TUBA8: variants seen among roughly 807,000 people sequenced by gnomAD.
The protein encoded by TUBA8 is tubulin alpha-8 chain.
TUBA8 carries 29 observed loss-of-function variants against 34.7 expected under a neutral mutation model. The ratio of observed to expected loss-of-function variants is 0.84; its 90% confidence interval spans 0.62 to 1.14. TUBA8 has a LOEUF of 1.14. Ranked by LOEUF, TUBA8 falls within the 50% of genes most tolerant of loss-of-function variation. The pLI, the probability that TUBA8 is intolerant of heterozygous loss-of-function variation, is 0.00. For synonymous variants in TUBA8, 226 were observed against 231.2 expected (o/e 0.98, Z 0.21); for missense variants, 541 against 599.2 (o/e 0.90, Z 1.01).
Position 18,126,261 on chromosome 22 carries a change from G to A in TUBA8, c.376-93G>A. The stretch of plus-strand genomic sequence containing the variant: ...TTTGATTTCATCCACAAAAAAATAT[G>A]AGGCAGACAGAGTGGGCGGTCTGGC... On this transcript the variant is annotated intron_variant, in intron 3 of 4. Coordinates refer to ENST00000330423, the MANE Select transcript of TUBA8 (RefSeq NM_018943.3). This position sits in a 1 kb window ranked among gnomAD's most constrained non-coding sequence, Gnocchi z 4.0. 8.5e-7 allele frequency: 1 copy of A among 1,174,238 alleles called. No individual in the cohort carries two copies. 72.7% of individuals were successfully genotyped at this position (1,174,238 alleles called of 1,614,324 possible).
intron 4 of TUBA8, chr22:18,127,480 A>G (rs361992): frequency 0.43 from 67,831 of 156,522 alleles, 19,615 homozygotes; most frequent in African/African-American, 0.82. Context: ...TGCAAGCTCC[A>G]CCTCTCAGGT....
In TUBA8 at chr22:18,124,202, G is replaced by A. The variant is rs1226706572; in HGVS notation, c.273G>A (p.Gln91=). The change falls in exon 3 of 5, where the codon CAG becomes CAA. Residue 91 remains glutamine, a synonymous_variant. Transcript: ENST00000330423. This position sits in a 1 kb window ranked among gnomAD's most constrained non-coding sequence, Gnocchi z 4.3. ...GTYRQLFHPE[Q]LITGKEDAAN... ...ACCGCCAGCTCTTCCATCCAGAGCA[G>A]CTGATCACAGGAAAGGAGGATGCAG... 6.2e-7 allele frequency: 1 copy of A among 1,614,244 alleles called. No homozygotes were observed. Among genetic ancestry groups the A allele is most frequent in the South Asian group, 1.1e-5 (1 of 91,082 alleles).
rs2123705206 is a variant in TUBA8 at position 18,126,342 on chromosome 22, T to C, written c.376-12T>C. 1.2e-6 allele frequency: 2 copies of C among 1,614,060 alleles called. No individual in the cohort carries two copies. Among genetic ancestry groups the C allele is most frequent in the Non-Finnish European group, 1.7e-6 (2 of 1,179,926 alleles). On this transcript the variant is annotated splice_polypyrimidine_tract_variant and intron_variant, in intron 3 of 4. Coordinates refer to ENST00000330423, the MANE Select transcript of TUBA8 (RefSeq NM_018943.3). The surrounding 1 kb of genome is among the most constrained non-coding windows in gnomAD (Gnocchi z 4.0). The stretch of plus-strand genomic sequence containing the variant: ...GTCTTCATGATTTCTTCTCATGTCC[T>C]GCTCTCCCTAGACAGATGCTTGCTC...
Position 18,130,999 on chromosome 22 carries a change from G to T in TUBA8, c.1213G>T (p.Val405Leu). The change falls in exon 5 of 5, where the codon GTG becomes TTG. Residue 405 changes from valine to leucine, a missense_variant. Coordinates refer to ENST00000330423, the MANE Select transcript of TUBA8 (RefSeq NM_018943.3). ...FDLMYAKRAF[V>L]HWYVGEGMEE... ...CCTCATGTACGCCAAGCGGGCCTTT[G>T]TGCATTGGTATGTGGGAGAGGGGAT... 3 of 1,614,186 alleles carry T rather than the reference G, an allele frequency of 1.9e-6. No homozygotes were observed. The highest frequency in any genetic ancestry group is 2.5e-6 in the Non-Finnish European group (3 of 1,180,032).
chr22:18,122,263 A>C, intron 2 of TUBA8: 1 of 154,474 alleles, frequency 6.5e-6, no homozygotes, highest in South Asian at 2.0e-4. Context: ...CCTGTTTCTG[A>C]CCCCTGGGTC....
Position 18,124,079 on chromosome 22 carries a change from G to A in TUBA8, c.227-77G>A. On this transcript the variant is annotated intron_variant, in intron 2 of 4. Coordinates refer to ENST00000330423, the MANE Select transcript of TUBA8 (RefSeq NM_018943.3). This position sits in a 1 kb window ranked among gnomAD's most constrained non-coding sequence, Gnocchi z 4.3. Reference sequence around the variant, plus strand: ...TTTTATAGGTAGGGGAGAACGGAAGGGGTCCTGCGGTAGTGTGGTAGGGAG... The same window carrying A: ...TTTTATAGGTAGGGGAGAACGGAAGAGGTCCTGCGGTAGTGTGGTAGGGAG... 1 of 1,578,500 alleles carries A rather than the reference G, an allele frequency of 6.3e-7. No individual in the cohort carries two copies. The highest frequency in any genetic ancestry group is 8.7e-7 in the Non-Finnish European group (1 of 1,150,028).
Position 18,131,264 on chromosome 22 carries a change from C to A in TUBA8, c.*128C>A. 1 of 1,033,882 alleles carries A rather than the reference C, an allele frequency of 9.7e-7. No homozygotes were observed. The highest frequency in any genetic ancestry group is 1.4e-6 in the Non-Finnish European group (1 of 690,696). 64.0% of individuals were successfully genotyped at this position (1,033,882 alleles called of 1,614,324 possible). Reference sequence around the variant, plus strand: ...CCTTACCCAGGAGGAGGGTGCCTGGCCCCAGTACCCAGGGTGGCACGACTG... The same window carrying A: ...CCTTACCCAGGAGGAGGGTGCCTGGACCCAGTACCCAGGGTGGCACGACTG... On this transcript the variant is annotated 3_prime_UTR_variant, in exon 5 of 5. Transcript: ENST00000330423. This position sits in a 1 kb window ranked among gnomAD's most constrained non-coding sequence, Gnocchi z 5.3.
chr22:18,130,501 C>A (rs74999830), intron 4 of TUBA8: 4,242 of 372,670 alleles, frequency 0.011, 163 homozygotes, highest in African/African-American at 0.081. Context: ...TAGCTCACTG[C>A]AGCCTTGACC....
At position 18,126,015 on chromosome 22, in the gene TUBA8, C is replaced by A; in HGVS notation, c.376-339C>A. On this transcript the variant is annotated intron_variant, in intron 3 of 4. Transcript: ENST00000330423. This position sits in a 1 kb window ranked among gnomAD's most constrained non-coding sequence, Gnocchi z 4.0. The stretch of plus-strand genomic sequence containing the variant: ...TAACTGGGACTACAGGTGTGCATCA[C>A]CACGCCCAGTTAACTTTTAAAATTT... 7 of 345,720 alleles carry A rather than the reference C, an allele frequency of 2.0e-5. 1 individual carries two copies. The highest frequency in any genetic ancestry group is 1.8e-4 in the South Asian group (7 of 39,510). The allele number at this position is 345,720 out of a possible 1,614,324, so 21.4% of individuals were successfully genotyped here. A position where few individuals can be genotyped will look rare whatever the true frequency, so the allele number is the denominator to read the frequency against.
chr22:18,119,569 A>C lies in TUBA8; in HGVS notation c.4-1910A>C, dbSNP rs949322087. ...AGCTCTGTGGGTGAATCCCCTCCCTAGCCACCAGGCTCACGGAGATCCAGC... is the reference window on the plus strand; with the variant it reads ...AGCTCTGTGGGTGAATCCCCTCCCTCGCCACCAGGCTCACGGAGATCCAGC... On this transcript the variant is annotated intron_variant, in intron 1 of 4. Coordinates refer to ENST00000330423, the MANE Select transcript of TUBA8 (RefSeq NM_018943.3). The surrounding 1 kb of genome is among the most constrained non-coding windows in gnomAD (Gnocchi z 5.9). 6.6e-6 allele frequency: 1 copy of C among 152,240 alleles called. No individual in the cohort carries two copies. The highest frequency in any genetic ancestry group is 1.5e-5 in the Non-Finnish European group (1 of 68,110). 9.4% of individuals were successfully genotyped at this position (152,240 alleles called of 1,614,324 possible). A position where few individuals can be genotyped will look rare whatever the true frequency, so the allele number is the denominator to read the frequency against.
Position 18,119,575 on chromosome 22 carries a change from C to G in TUBA8, c.4-1904C>G, listed in dbSNP as rs1928082563. 6.6e-6 allele frequency: 1 copy of G among 152,298 alleles called. No homozygotes were observed. The highest frequency in any genetic ancestry group is 2.1e-4 in the South Asian group (1 of 4,830). 9.4% of individuals were successfully genotyped at this position (152,298 alleles called of 1,614,324 possible). ...GTGGGTGAATCCCCTCCCTAGCCAC[C>G]AGGCTCACGGAGATCCAGCGGGTTG... On this transcript the variant is annotated intron_variant, in intron 1 of 4. Coordinates refer to ENST00000330423, the MANE Select transcript of TUBA8 (RefSeq NM_018943.3). The surrounding 1 kb of genome is among the most constrained non-coding windows in gnomAD (Gnocchi z 5.9).
At chr22:18,117,718 T>G (rs1569198101) in intron 1 of TUBA8, 1 of 137,334 alleles carries the variant, frequency 7.3e-6, no homozygotes, top group Non-Finnish European at 1.5e-5. Context: ...GAGCTTGCAG[T>G]GAGCCGAGAT....
In TUBA8 at chr22:18,121,831, C is replaced by T. The variant is rs1411503019; in HGVS notation, c.226+130C>T. On this transcript the variant is annotated intron_variant, in intron 2 of 4. Coordinates refer to ENST00000330423, the MANE Select transcript of TUBA8 (RefSeq NM_018943.3). The surrounding 1 kb of genome is among the most constrained non-coding windows in gnomAD (Gnocchi z 4.8). Reference sequence around the variant, plus strand: ...GGTGCAACCGCAGCCTCCCACCCCACGTGACATCTGTCAGCTCCTTGGGGT... The same window carrying T: ...GGTGCAACCGCAGCCTCCCACCCCATGTGACATCTGTCAGCTCCTTGGGGT... 31 of 831,914 alleles carry T rather than the reference C, an allele frequency of 3.7e-5. No homozygotes were observed. The highest frequency in any genetic ancestry group is 4.9e-5 in the South Asian group (3 of 61,822). 51.5% of individuals were successfully genotyped at this position (831,914 alleles called of 1,614,324 possible).
At chr22:18,117,954 C>T (rs144102004) in intron 1 of TUBA8, 1 of 152,194 alleles carries the variant, frequency 6.6e-6, no homozygotes, top group Non-Finnish European at 1.5e-5. Flanking sequence ...CTACAGGGCT[C>T]AGTGATGAGG....
At position 18,124,061 on chromosome 22, in the gene TUBA8, G is replaced by T. The variant is rs1928241372; in HGVS notation, c.227-95G>T. The T allele has an allele frequency of 6.7e-7, 1 of 1,494,810 alleles. No individual in the cohort carries two copies. The highest frequency in any genetic ancestry group is 1.2e-5 in the South Asian group (1 of 86,870). 92.6% of individuals were successfully genotyped at this position (1,494,810 alleles called of 1,614,324 possible). A position where few individuals can be genotyped will look rare whatever the true frequency, so the allele number is the denominator to read the frequency against. ...CTTCAAACCTCCATGGAGTTTTATA[G>T]GTAGGGGAGAACGGAAGGGGTCCTG... On this transcript the variant is annotated intron_variant, in intron 2 of 4. Coordinates refer to ENST00000330423, the MANE Select transcript of TUBA8 (RefSeq NM_018943.3). The surrounding 1 kb of genome is among the most constrained non-coding windows in gnomAD (Gnocchi z 4.3).
At chr22:18,120,897 A>T (rs1476750523) in intron 1 of TUBA8, 1 of 156,098 alleles carries the variant, frequency 6.4e-6, no homozygotes, top group East Asian at 1.9e-4. Context: ...CCTAATTTAT[A>T]CCCTCCCCAT....
intron 1 of TUBA8, chr22:18,115,627 G>T (rs1422295522): frequency 1.3e-5 from 2 of 152,400 alleles, no homozygotes; most frequent in African/African-American, 4.8e-5. Flanking sequence ...TGAAGGGGAT[G>T]GGGGAGCACA....
chr22:18,120,537 G>A (rs1928115459), intron 1 of TUBA8: 1 of 152,140 alleles, frequency 6.6e-6, no homozygotes, highest in Non-Finnish European at 1.5e-5. Context: ...TACCATTGCT[G>A]GGCACCTGGT....
Position 18,126,214 on chromosome 22 carries a change from T to C in TUBA8, c.376-140T>C. On this transcript the variant is annotated intron_variant, in intron 3 of 4. Coordinates refer to ENST00000330423, the MANE Select transcript of TUBA8 (RefSeq NM_018943.3). The surrounding 1 kb of genome is among the most constrained non-coding windows in gnomAD (Gnocchi z 4.0). ...CAAAGATCAATACAACTCCTTTTGT[T>C]TCCTTACTTCTTCAAAGCTGTTTTG... 3 of 811,940 alleles carry C rather than the reference T, an allele frequency of 3.7e-6. No individual in the cohort carries two copies. In the South Asian group the frequency reaches 4.8e-5, roughly 13 times the overall value. The allele number at this position is 811,940 out of a possible 1,614,324, so 50.3% of individuals were successfully genotyped here. A position where few individuals can be genotyped will look rare whatever the true frequency, so the allele number is the denominator to read the frequency against.
Sources: allele counts gnomAD v4.1 joint callset, GRCh38; gene constraint gnomAD v4.1.1; non-coding constraint Gnocchi (gnomAD v3.1); transcripts MANE v1.5; gene names NCBI Gene and HGNC (gene_info 2026-07-23, HGNC 2026-07-21).